INTS2: variants seen among roughly 807,000 people sequenced by gnomAD.
INTS2 encodes integrator complex subunit 2.
INTS2 carries 57 observed loss-of-function variants against 139.6 expected under a neutral mutation model. That is an observed-to-expected ratio of 0.41 (90% CI 0.33 to 0.51). The LOEUF (loss-of-function observed/expected upper bound fraction) is 0.51, where lower values mean the gene tolerates loss of function less well. INTS2 is among the 20% of genes least tolerant of loss of function. The probability of loss-of-function intolerance (pLI) is 0.28; values close to 1 mark genes in which losing one functional copy is unlikely to be tolerated. For missense variants in INTS2, 1,196 were observed against 1,436.7 expected (o/e 0.83, Z 2.71); for synonymous variants, 473 against 493.4 (o/e 0.96, Z 0.55).
chr17:61,913,230 C>T (rs570816246), intron 5 of INTS2, among the ~76,000 whole-genome samples: 2 of 151,208 alleles, frequency 1.3e-5, no homozygotes, highest in South Asian at 2.1e-4. Context: ...CCCAGCTACC[C>T]GGGAGGCTGA....
intron 9 of INTS2, among the ~76,000 whole-genome samples, chr17:61,899,393 G>T (rs2079382190): frequency 6.6e-6 from 1 of 152,044 alleles, no homozygotes; most frequent in Non-Finnish European, 1.5e-5. Flanking sequence ...TGGGATTACA[G>T]GTGCCCACCA....
intron 5 of INTS2, among the ~76,000 whole-genome samples, chr17:61,917,475 C>T (rs956508060): frequency 1.3e-5 from 2 of 152,150 alleles, no homozygotes; most frequent in Non-Finnish European, 1.5e-5. Flanking sequence ...TGTCCTTTGC[C>T]GCAACAAGGA....
At chr17:61,911,306 T>C in intron 7 of INTS2, 1 of 454,316 alleles carries the variant, frequency 2.2e-6, no homozygotes. Context: ...ATTTAAGTGT[T>C]AATTTCTAAT....
intron 12 of INTS2, among the ~76,000 whole-genome samples, 199 bp downstream of exon 12, chr17:61,895,116 C>G (rs565154733): frequency 1.6e-3 from 238 of 152,060 alleles, no homozygotes; most frequent in African/African-American, 5.5e-3. Flanking sequence ...TCAAAAGATG[C>G]CTTGGTATGT....
chr17:61,903,145 C>T lies in INTS2; in HGVS notation c.1307+1315G>A, dbSNP rs1388240269. Among the ~76,000 whole-genome samples the T allele has an allele frequency of 6.4e-5, 8 of 125,368 alleles. No individual in the cohort carries two copies. In the East Asian group the frequency reaches 9.3e-4, roughly 15 times the overall value. The allele number at this position is 125,368 out of a possible 152,430, so 82.2% of individuals were successfully genotyped here. On this transcript the variant is annotated intron_variant, in intron 9 of 24. Coordinates refer to ENST00000251334, the MANE Select transcript of INTS2 (RefSeq NM_001351695.2). ...TCGCACCACTGCACTCCAGCCTGGG[C>T]GACAAAGCTAGACTCCGTCTCAAAA...
At position 61,866,211 on chromosome 17, in the gene INTS2, A is replaced by G. The variant is rs1325580787; in HGVS notation, c.*1346T>C. Reference sequence around the variant, plus strand: ...AAACCCCCGTCTTTACTAAAAATACAAAAATACAGGTGGCGCGTGCCTGCA... The same window carrying G: ...AAACCCCCGTCTTTACTAAAAATACGAAAATACAGGTGGCGCGTGCCTGCA... On this transcript the variant is annotated 3_prime_UTR_variant, in exon 25 of 25. Transcript: ENST00000251334. 1 of 152,036 alleles carries G rather than the reference A, an allele frequency of 6.6e-6. No homozygotes were observed. The highest frequency in any genetic ancestry group is 1.9e-4 in the East Asian group (1 of 5,180). 9.4% of individuals were successfully genotyped at this position (152,036 alleles called of 1,614,324 possible). A position where few individuals can be genotyped will look rare whatever the true frequency, so the allele number is the denominator to read the frequency against.
intron 14 of INTS2, among the ~76,000 whole-genome samples, chr17:61,890,258 T>C (rs1429088394): frequency 6.6e-6 from 1 of 152,202 alleles, no homozygotes; most frequent in African/African-American, 2.4e-5. Flanking sequence ...AATATATTTG[T>C]GAAAAATGCA....
rs1010621784 is a variant in INTS2 at position 61,911,434 on chromosome 17, T to C, written c.954+86A>G. Reference sequence around the variant, plus strand: ...GAAAGTGTGAGAACCACTTGTCTAATGACATCATTCAAAAAATGTTTCTTT... The same window carrying C: ...GAAAGTGTGAGAACCACTTGTCTAACGACATCATTCAAAAAATGTTTCTTT... On this transcript the variant is annotated intron_variant, in intron 7 of 24. Coordinates refer to ENST00000251334, the MANE Select transcript of INTS2 (RefSeq NM_001351695.2). 1.5e-5 allele frequency: 18 copies of C among 1,197,632 alleles called. No homozygotes were observed. In the Admixed American group the frequency reaches 2.5e-4, roughly 16 times the overall value. 74.2% of individuals were successfully genotyped at this position (1,197,632 alleles called of 1,614,324 possible).
chr17:61,917,147 G>A (rs1422505616), intron 5 of INTS2, among the ~76,000 whole-genome samples: 2 of 152,134 alleles, frequency 1.3e-5, no homozygotes, highest in Non-Finnish European at 2.9e-5. Context: ...AGGTGCTAGC[G>A]AGGCTGTGGA....
intron 15 of INTS2, 74 bp downstream of exon 15, chr17:61,889,712 C>T (rs1202148896): frequency 2.8e-6 from 2 of 705,784 alleles, no homozygotes; most frequent in Admixed American, 2.8e-5. Context: ...TATCAAAGAA[C>T]AGTTTGGAAA....
chr17:61,911,393 G>A, intron 7 of INTS2, 127 bp downstream of exon 7: 1 of 671,170 alleles, frequency 1.5e-6, no homozygotes. Context: ...AAAATATAAG[G>A]AGGTCCCTGA....
intron 9 of INTS2, among the ~76,000 whole-genome samples, chr17:61,900,281 G>C (rs909105321): frequency 1.3e-5 from 2 of 152,154 alleles, no homozygotes; most frequent in Admixed American, 1.3e-4. Flanking sequence ...CTAAAATTAA[G>C]AGGTTGACAT....
At chr17:61,902,238 T>C (rs2079414252) in intron 9 of INTS2, among the ~76,000 whole-genome samples, 1 of 152,166 alleles carries the variant, frequency 6.6e-6, no homozygotes, top group Non-Finnish European at 1.5e-5. Context: ...GTCCTAGGCA[T>C]TCAGTAAGCC....
In INTS2 at chr17:61,878,053, T is replaced by C. The variant is rs368074127; in HGVS notation, c.2290A>G (p.Met764Val). The C allele has an allele frequency of 1.1e-5, 18 of 1,612,662 alleles. No homozygotes were observed. The highest frequency in any genetic ancestry group is 1.5e-5 in the Non-Finnish European group (18 of 1,178,798). ...AGAGTCAAGTGTTCTATAATCTGCA[T>C]CACTTGTGTGTTATTTACTGGGACA... ...SAVPVNNTQV[M>V]QIIEHLTLLS... The change falls in exon 18 of 25, where the codon ATG (methionine) becomes GTG (valine). Residue 764 changes from methionine (M) to valine (V), a missense_variant. Transcript: ENST00000251334.
chr17:61,924,611 G>A (rs1264732766), intron 3 of INTS2, among the ~76,000 whole-genome samples: 3 of 152,118 alleles, frequency 2.0e-5, no homozygotes, highest in African/African-American at 7.2e-5. Flanking sequence ...CTGAGTTCAG[G>A]AGTTCGAGAC....
chr17:61,917,422 T>A (rs1276179062), intron 5 of INTS2, among the ~76,000 whole-genome samples: 1 of 152,202 alleles, frequency 6.6e-6, no homozygotes, highest in Non-Finnish European at 1.5e-5. Context: ...AATGTACATA[T>A]ATACCATGAA....
chr17:61,920,804 A>G (rs1467136765), intron 4 of INTS2, among the ~76,000 whole-genome samples: 2 of 150,868 alleles, frequency 1.3e-5, no homozygotes, highest in East Asian at 3.9e-4. Flanking sequence ...CTCCATCTCA[A>G]AAAAAAAAGA....
At chr17:61,908,588 C>T (rs2143089343) in intron 7 of INTS2, among the ~76,000 whole-genome samples, 1 of 152,206 alleles carries the variant, frequency 6.6e-6, no homozygotes. Context: ...GAAAGCAGTT[C>T]TAAACTATAC....
chr17:61,914,182 T>C (rs1400843490), intron 5 of INTS2, among the ~76,000 whole-genome samples: 4 of 151,954 alleles, frequency 2.6e-5, no homozygotes, highest in South Asian at 4.2e-4. Context: ...TGAAGAAATA[T>C]ATACACCATG....
Sources: allele counts gnomAD v4.1 joint callset (sites outside exome capture counted in the v4.1 genomes callset), GRCh38; gene constraint gnomAD v4.1.1; transcripts MANE v1.5; gene names NCBI Gene and HGNC (gene_info 2026-07-23, HGNC 2026-07-21).